Variants in ZNF678 observed in about 807,000 individuals in gnomAD.
ZNF678 encodes zinc finger protein 678.
In ZNF678, 5 loss-of-function variants were observed where a neutral mutation model predicts 3.0. That is an observed-to-expected ratio of 1.69 (90% confidence interval 0.88 to 3.56). The LOEUF (loss-of-function observed/expected upper bound fraction) is 3.56. Ranked by LOEUF, ZNF678 falls within the 30% of genes most tolerant of loss-of-function variation. The pLI is 0.00. For missense variants in ZNF678, 593 were observed against 605.0 expected, an observed-to-expected ratio of 0.98 and a Z score of 0.21; for synonymous variants, 218 against 199.6, an observed-to-expected ratio of 1.09 and a Z score of -0.78.
chr1:227,580,899 C>T (rs1657113421), intron 1 of ZNF678, among the ~76,000 whole-genome samples: 1 of 150,460 alleles, frequency 6.6e-6, no homozygotes, highest in Admixed American at 6.6e-5. Context: ...CTTTGCACTC[C>T]AGCCTCAAGA....
chr1:227,583,213 C>G (rs1043811200), intron 1 of ZNF678, among the ~76,000 whole-genome samples: 9 of 152,068 alleles, frequency 5.9e-5, no homozygotes, highest in Non-Finnish European at 1.0e-4. Context: ...ATGTCTTATT[C>G]CATGTATGAT....
intron 1 of ZNF678, among the ~76,000 whole-genome samples, chr1:227,568,077 T>C (rs940130332): frequency 6.6e-6 from 1 of 152,160 alleles, no homozygotes; most frequent in Admixed American, 6.5e-5. Context: ...GAGGAATTAT[T>C]TGTTGGCTCA....
intron 1 of ZNF678, among the ~76,000 whole-genome samples, chr1:227,583,175 C>T (rs765278058): frequency 1.3e-5 from 2 of 152,032 alleles, no homozygotes; most frequent in Non-Finnish European, 2.9e-5. Flanking sequence ...GTAACCTTTA[C>T]ATCTAATAAC....
intron 2 of ZNF678, among the ~76,000 whole-genome samples, chr1:227,648,721 A>G (rs760904264): frequency 3.3e-5 from 5 of 152,112 alleles, no homozygotes; most frequent in Non-Finnish European, 7.4e-5. Context: ...CAGGAAGCAG[A>G]GGCGGGAGAA....
intron 1 of ZNF678, among the ~76,000 whole-genome samples, chr1:227,618,722 GTTGTTT>G (rs796552272): frequency 2.0e-5 from 3 of 152,044 alleles, no homozygotes; most frequent in East Asian, 1.9e-4. Flanking sequence ...TTTTGTTTTT[GTTGTTT>G]TTGTTTTTGT....
intron 1 of ZNF678, among the ~76,000 whole-genome samples, chr1:227,619,705 G>T (rs546289737): frequency 6.6e-6 from 1 of 151,686 alleles, no homozygotes; most frequent in Admixed American, 6.6e-5. Flanking sequence ...TAGAGATGGG[G>T]TTTCACCGTG....
intron 1 of ZNF678, among the ~76,000 whole-genome samples, chr1:227,565,813 G>A (rs1404214198): frequency 6.6e-6 from 1 of 151,970 alleles, no homozygotes; most frequent in Non-Finnish European, 1.5e-5. Flanking sequence ...AGGCTGGAGC[G>A]CAGTGGCCTG....
At chr1:227,667,129 G>T (rs941544963), downstream of ZNF678, among the ~76,000 whole-genome samples, 6 of 150,792 alleles carry the variant, frequency 4.0e-5, no homozygotes, top group East Asian at 9.8e-4. Context: ...CTGCAGCCTC[G>T]ACCTCCTGGG....
chr1:227,568,133 G>A (rs762070148), intron 1 of ZNF678, among the ~76,000 whole-genome samples: 10 of 152,074 alleles, frequency 6.6e-5, no homozygotes, highest in Non-Finnish European at 1.3e-4. Context: ...AAAGAGAGAA[G>A]CTAACCCATT....
intron 1 of ZNF678, among the ~76,000 whole-genome samples, chr1:227,591,891 A>C (rs1657423725): frequency 6.6e-6 from 1 of 152,136 alleles, no homozygotes; most frequent in Non-Finnish European, 1.5e-5. Flanking sequence ...TACAAGTCCA[A>C]ATTTTAAGGA....
At chr1:227,617,990 G>A (rs1173105649) in intron 1 of ZNF678, among the ~76,000 whole-genome samples, 1 of 152,176 alleles carries the variant, frequency 6.6e-6, no homozygotes, top group Non-Finnish European at 1.5e-5. Flanking sequence ...GGACACAGCA[G>A]AATAAATGTC....
At chr1:227,596,055 C>T (rs1437711823) in intron 1 of ZNF678, among the ~76,000 whole-genome samples, 1 of 152,072 alleles carries the variant, frequency 6.6e-6, no homozygotes, top group Non-Finnish European at 1.5e-5. Context: ...GGTGTTTAGC[C>T]ACTGCATTGA....
chr1:227,668,990 C>T (rs1401567688), intron 5 of ZNF678, among the ~76,000 whole-genome samples: 2 of 151,998 alleles, frequency 1.3e-5, no homozygotes, highest in East Asian at 3.9e-4. Context: ...CCCTCCTCAA[C>T]ATCGACTTTG....
At chr1:227,590,721 T>C (rs760747448) in intron 1 of ZNF678, among the ~76,000 whole-genome samples, 4 of 151,838 alleles carry the variant, frequency 2.6e-5, no homozygotes, top group Non-Finnish European at 5.9e-5. Context: ...CAGCTTAGTG[T>C]AGGCTCTATG....
chr1:227,673,631 T>C (rs1193711537), intron 5 of ZNF678, among the ~76,000 whole-genome samples: 1 of 152,214 alleles, frequency 6.6e-6, no homozygotes, highest in Admixed American at 6.5e-5. Context: ...TTCTCAGAGA[T>C]TAATGTCTCT....
At chr1:227,675,463 A>T (rs891329112) in intron 5 of ZNF678, among the ~76,000 whole-genome samples, 1 of 152,200 alleles carries the variant, frequency 6.6e-6, no homozygotes, top group African/African-American at 2.4e-5. Context: ...TTATTATTTG[A>T]TTAATTATAT....
chr1:227,599,220 T>C, intron 1 of ZNF678: 1 of 841,630 alleles, frequency 1.2e-6, no homozygotes, highest in Non-Finnish European at 1.9e-6. Flanking sequence ...GTTTTTGTTT[T>C]TGTTTTTAAC....
intron 1 of ZNF678, among the ~76,000 whole-genome samples, chr1:227,607,443 G>A (rs1414052727): frequency 6.6e-6 from 1 of 152,038 alleles, no homozygotes; most frequent in African/African-American, 2.4e-5. Flanking sequence ...TTGACTTTAA[G>A]TTTTATCAAA....
At chr1:227,599,670 C>T (rs1657684782) in intron 1 of ZNF678, among the ~76,000 whole-genome samples, 1 of 151,792 alleles carries the variant, frequency 6.6e-6, no homozygotes, top group South Asian at 2.1e-4. Flanking sequence ...TTTTTCCCGG[C>T]TACCATATAA....
Sources: allele counts gnomAD v4.1 joint callset (sites outside exome capture counted in the v4.1 genomes callset), GRCh38; gene constraint gnomAD v4.1.1; transcripts MANE v1.5; gene names NCBI Gene and HGNC (gene_info 2026-07-23, HGNC 2026-07-21).